Variants in ZXDC observed in about 807,000 individuals in gnomAD.
The protein encoded by ZXDC is ZXD family zinc finger C.
In ZXDC, 58 loss-of-function variants were observed where a neutral mutation model predicts 63.6. The ratio of observed to expected loss-of-function variants is 0.91; its 90% CI spans 0.74 to 1.13. ZXDC has a LOEUF of 1.13. Among genes scored for constraint, ZXDC ranks in the 50% most tolerant of loss-of-function variants. The probability of loss-of-function intolerance (pLI) is 0.00; values close to 1 mark genes in which losing one functional copy is unlikely to be tolerated. For missense variants in ZXDC, 1,133 were observed against 1,148.9 expected (o/e 0.99, Z 0.20); for synonymous variants, 561 against 496.1 (o/e 1.13, Z -1.74).
chr3:126,468,999 T>C (rs1451870793), intron 4 of ZXDC, among the ~76,000 whole-genome samples: 1 of 152,210 alleles, frequency 6.6e-6, no homozygotes, highest in African/African-American at 2.4e-5. Context: ...AACTGACATA[T>C]ATACTGATGT....
intron 4 of ZXDC, among the ~76,000 whole-genome samples, chr3:126,466,532 A>T (rs1414298968): frequency 6.6e-6 from 1 of 152,246 alleles, no homozygotes; most frequent in East Asian, 1.9e-4. Context: ...AGATACAGTG[A>T]AACCCGTAGG....
At chr3:126,463,726 C>G (rs1934645166) in intron 5 of ZXDC, among the ~76,000 whole-genome samples, 1 of 152,214 alleles carries the variant, frequency 6.6e-6, no homozygotes, top group South Asian at 2.1e-4. Context: ...AAGCTGCTCT[C>G]GGTTCTCTGA....
chr3:126,452,562 C>T (rs1478366334), intron 7 of ZXDC: 3 of 984,814 alleles, frequency 3.0e-6, no homozygotes, highest in African/African-American at 3.5e-5. Context: ...AAGTTATTCA[C>T]CGATCTATTA....
intron 7 of ZXDC, chr3:126,454,796 A>G (rs995019095): frequency 6.1e-6 from 6 of 985,326 alleles, no homozygotes; most frequent in African/African-American, 3.5e-5. Context: ...TAACTTTGCT[A>G]TTCATTTCAA....
intron 5 of ZXDC, among the ~76,000 whole-genome samples, chr3:126,463,627 A>G (rs1316218962): frequency 6.6e-6 from 1 of 152,214 alleles, no homozygotes; most frequent in African/African-American, 2.4e-5. Flanking sequence ...TAATTTGGGC[A>G]AAAGAGCCAA....
chr3:126,467,450 G>A (rs559301457), intron 4 of ZXDC, among the ~76,000 whole-genome samples: 40 of 152,300 alleles, frequency 2.6e-4, no homozygotes, highest in African/African-American at 8.9e-4. Context: ...TAAGCAAGTG[G>A]TGCGAGCAAC....
chr3:126,475,113 C>A lies in ZXDC; in HGVS notation c.753G>T (p.Thr251=), dbSNP rs900509261. ...TCATGTGCGCCTTGAGGTTATAGAC[C>A]GTAGTGAACTTCTTGCCACAGCCGC... The part of the protein sequence containing the change: ...PVGGCGKKFT[T]VYNLKAHMKG... The change falls in exon 1 of 10, where the codon ACG becomes ACT. Residue 251 remains threonine, a synonymous_variant. Coordinates refer to ENST00000389709, the MANE Select transcript of ZXDC (RefSeq NM_025112.5). 5 of 1,610,684 alleles carry A rather than the reference C, an allele frequency of 3.1e-6. No individual in the cohort carries two copies. The highest frequency in any genetic ancestry group is 4.2e-6 in the Non-Finnish European group (5 of 1,178,510).
At position 126,461,743 on chromosome 3, in the gene ZXDC, G is replaced by C; in HGVS notation, c.1919C>G (p.Pro640Arg). The C allele has an allele frequency of 6.2e-7, 1 of 1,613,904 alleles. No homozygotes were observed. The highest frequency in any genetic ancestry group is 8.5e-7 in the Non-Finnish European group (1 of 1,179,974). The change falls in exon 6 of 10, where the codon CCG (proline) becomes CGG (arginine). Residue 640 changes from proline (P) to arginine (R), a missense_variant. Pro to Arg is a moderately radical substitution (Grantham distance 103). Transcript: ENST00000389709. ...NSNLAAHITT[P>R]TSSSTPRENA... ...TTCTCGGGGGGTGCTCGAAGAGGTC[G>C]GTGTGGTGATATGTGCTGCTAAGTT...
rs1041795829 is a variant in ZXDC, at chr3:126,441,589, G to T, written c.2394+176C>A. The T allele has an allele frequency of 3.7e-6, 5 of 1,335,640 alleles. No individual in the cohort carries two copies. In the South Asian group the frequency reaches 1.1e-4, roughly 29 times the overall value. The allele number at this position is 1,335,640 out of a possible 1,614,324, so 82.7% of individuals were successfully genotyped here. ...TGCAGGACAGGCTGGGAAAAAGGGA[G>T]GAGCTGGGCTGTGAGGAGACAGGAC... is the stretch of plus-strand genomic sequence containing the variant. On this transcript the variant is annotated intron_variant, in intron 8 of 9. Coordinates refer to ENST00000389709, the MANE Select transcript of ZXDC (RefSeq NM_025112.5).
intron 7 of ZXDC, among the ~76,000 whole-genome samples, chr3:126,447,404 T>C (rs1933922932): frequency 1.3e-5 from 2 of 152,234 alleles, no homozygotes; most frequent in Admixed American, 1.3e-4. Flanking sequence ...TACAAATATG[T>C]ACTGTGCAAT....
rs1425800479 is a variant in ZXDC, at chr3:126,461,600, T to C, written c.2062A>G (p.Ser688Gly). ...SHGLPQSTLP[S>G]PAEQHGAQDT... ...TGGGCACCGTGCTGCTCTGCTGGAC[T>C]GGGCAACGTGGACTGGGGCAGCCCA... Residue 688 changes from serine (S) to glycine (G), a missense_variant, in exon 6 of 10, where the codon AGT becomes GGT. Physicochemically the swap from Ser to Gly is moderately conservative, Grantham distance 56. Transcript: ENST00000389709. 1 of 1,614,190 alleles carries C rather than the reference T, an allele frequency of 6.2e-7. No homozygotes were observed. The highest frequency in any genetic ancestry group is 8.5e-7 in the Non-Finnish European group (1 of 1,180,032).
intron 5 of ZXDC, among the ~76,000 whole-genome samples, chr3:126,462,742 C>T (rs1312193680): frequency 1.3e-5 from 2 of 152,154 alleles, no homozygotes; most frequent in African/African-American, 4.8e-5. Context: ...CTCTGTGCTC[C>T]ACTCCACAAC....
chr3:126,456,158 T>C (rs1479361802), intron 7 of ZXDC, among the ~76,000 whole-genome samples: 5 of 152,214 alleles, frequency 3.3e-5, no homozygotes, highest in Non-Finnish European at 5.9e-5. Context: ...AAGCCCCTGC[T>C]GAGTGTTACA....
At chr3:126,458,349 G>A (rs1934393349) in intron 7 of ZXDC, among the ~76,000 whole-genome samples, 1 of 150,924 alleles carries the variant, frequency 6.6e-6, no homozygotes, top group Admixed American at 6.6e-5. Context: ...CGATTCTCCT[G>A]CCTCAGCCTC....
In ZXDC at chr3:126,460,631, T is replaced by C. The variant is rs577373150; in HGVS notation, c.2128-894A>G. ...CATCCCTGCCCAGTCACCTGTACACTTAGCAACTACTATGGCCGCCTAAGC... is the reference window on the plus strand; with the variant it reads ...CATCCCTGCCCAGTCACCTGTACACCTAGCAACTACTATGGCCGCCTAAGC... On this transcript the variant is annotated intron_variant, in intron 6 of 9. Transcript: ENST00000389709. 45 of 985,298 alleles carry C rather than the reference T, an allele frequency of 4.6e-5. No homozygotes were observed. The East Asian group carries it at 2.8e-3, about 62-fold the overall frequency. The allele number at this position is 985,298 out of a possible 1,614,324, so 61.0% of individuals were successfully genotyped here. A position where few individuals can be genotyped will look rare whatever the true frequency, so the allele number is the denominator to read the frequency against.
chr3:126,460,719 C>A, intron 6 of ZXDC: 1 of 985,452 alleles, frequency 1.0e-6, no homozygotes, highest in African/African-American at 1.7e-5. Context: ...GAGACAGAGA[C>A]TGTCCTCCTC....
chr3:126,441,330 G>T, intron 8 of ZXDC: 3 of 1,003,584 alleles, frequency 3.0e-6, no homozygotes, highest in Non-Finnish European at 3.6e-6. Flanking sequence ...CTGCTAGTGC[G>T]CCACAAGCAG....
intron 7 of ZXDC, among the ~76,000 whole-genome samples, chr3:126,446,943 G>A (rs1006113479): frequency 6.6e-6 from 1 of 152,182 alleles, no homozygotes; most frequent in African/African-American, 2.4e-5. Flanking sequence ...AAAGCATAAG[G>A]AACCCACAAT....
intron 5 of ZXDC, among the ~76,000 whole-genome samples, chr3:126,465,465 C>T (rs1472295045): frequency 6.6e-6 from 1 of 152,240 alleles, no homozygotes; most frequent in Non-Finnish European, 1.5e-5. Context: ...CCTCGTTACT[C>T]CCAGTCCACT....
Sources: allele counts gnomAD v4.1 joint callset (sites outside exome capture counted in the v4.1 genomes callset), GRCh38; gene constraint gnomAD v4.1.1; transcripts MANE v1.5; gene names NCBI Gene and HGNC (gene_info 2026-07-23, HGNC 2026-07-21).